PRKN: variants seen among roughly 807,000 people sequenced by gnomAD.
PRKN encodes parkin RBR E3 ubiquitin protein ligase.
In PRKN, 56 loss-of-function variants were observed where a neutral mutation model predicts 59.5. The observed-to-expected ratio is 0.94, with a 90% CI of 0.76 to 1.18. PRKN has a LOEUF of 1.18. PRKN is among the 50% of genes most tolerant of loss of function. The pLI is 0.00. For missense variants in PRKN, 657 were observed against 596.4 expected (o/e 1.10, Z -1.06); for synonymous variants, 250 against 222.1 (o/e 1.13, Z -1.12).
chr6:162,416,545 A>G (rs6455827), intron 2 of PRKN, among the ~76,000 whole-genome samples: 83,541 of 152,068 alleles, frequency 0.55, 23,892 homozygotes, highest in African/African-American at 0.7. Context: ...GATAAATTCA[A>G]TTAAACCTGC....
At chr6:162,342,893 CAAAATATGATGGTAGGA>C (rs1274084680) in intron 2 of PRKN, among the ~76,000 whole-genome samples, 1 of 151,980 alleles carries the variant, frequency 6.6e-6, no homozygotes, top group Non-Finnish European at 1.5e-5. Flanking sequence ...CAAGCAAACA[CAAAATATGATGGTAGGA>C]AAAAAGAGTC....
At chr6:162,434,927 A>C (rs1310651208) in intron 2 of PRKN, among the ~76,000 whole-genome samples, 1 of 151,176 alleles carries the variant, frequency 6.6e-6, no homozygotes, top group Non-Finnish European at 1.5e-5. Context: ...ATTTCAGTGA[A>C]TCATCTTTGG....
At chr6:162,707,904 A>C (rs1416161751) in intron 1 of PRKN, among the ~76,000 whole-genome samples, 1 of 151,842 alleles carries the variant, frequency 6.6e-6, no homozygotes, top group South Asian at 2.1e-4. Flanking sequence ...TAGTAGAGAC[A>C]GGGCTTCACC....
In PRKN at chr6:161,764,104, C is replaced by G. The variant is rs942110681; in HGVS notation, c.871+21668G>C. ...CTCTCCTCCAGCCACTCTGGTCTCT[C>G]CATGCTACAGACATGCTTTGCTCTC... On this transcript the variant is annotated intron_variant, in intron 7 of 11. Transcript: ENST00000366898. Among the ~76,000 whole-genome samples the G allele has an allele frequency of 5.3e-5, 8 of 152,214 alleles. No individual in the cohort carries two copies. The East Asian group carries it at 1.5e-3, about 29-fold the overall frequency.
At chr6:161,862,991 G>C (rs545388640) in intron 6 of PRKN, among the ~76,000 whole-genome samples, 1 of 152,138 alleles carries the variant, frequency 6.6e-6, no homozygotes, top group Non-Finnish European at 1.5e-5. Context: ...TATCCAGGAT[G>C]AACTGATTTT....
chr6:162,007,352 C>T (rs1355777391), intron 5 of PRKN, among the ~76,000 whole-genome samples: 1 of 152,064 alleles, frequency 6.6e-6, no homozygotes, highest in Non-Finnish European at 1.5e-5. Context: ...CTAACAACAA[C>T]AATGCAAGTA....
chr6:162,048,533 T>C (rs551533962), intron 5 of PRKN, among the ~76,000 whole-genome samples: 1 of 152,180 alleles, frequency 6.6e-6, no homozygotes, highest in African/African-American at 2.4e-5. Flanking sequence ...CTTCAGGGTT[T>C]TCCTTAGCCT....
intron 6 of PRKN, among the ~76,000 whole-genome samples, chr6:161,905,497 T>TC (rs1778106467): frequency 6.6e-6 from 1 of 152,262 alleles, no homozygotes; most frequent in African/African-American, 2.4e-5. Flanking sequence ...ACACAGGGAT[T>TC]CCCCACGGGA....
intron 7 of PRKN, among the ~76,000 whole-genome samples, chr6:161,696,055 C>G (rs755201046): frequency 6.6e-6 from 1 of 152,142 alleles, no homozygotes; most frequent in Non-Finnish European, 1.5e-5. Flanking sequence ...ACATACATCT[C>G]TCCTTAGAAG....
At chr6:162,452,705 T>C (rs1199407689) in intron 1 of PRKN, among the ~76,000 whole-genome samples, 1 of 151,868 alleles carries the variant, frequency 6.6e-6, no homozygotes, top group Non-Finnish European at 1.5e-5. Flanking sequence ...GAGAGGTAGA[T>C]AGAAAAATAC....
At chr6:162,169,483 ATG>A (rs1562555762) in intron 4 of PRKN, among the ~76,000 whole-genome samples, 1 of 76,944 alleles carries the variant, frequency 1.3e-5, no homozygotes, top group Non-Finnish European at 3.2e-5. Flanking sequence ...AATTTATCAC[ATG>A]TTATGTAAAA....
At chr6:162,176,002 T>C (rs1783514022) in intron 4 of PRKN, among the ~76,000 whole-genome samples, 1 of 152,236 alleles carries the variant, frequency 6.6e-6, no homozygotes, top group Admixed American at 6.5e-5. Context: ...TTATGGATTC[T>C]TTTATAATTA....
At chr6:161,787,396 ATG>A (rs1442367230) in intron 6 of PRKN, among the ~76,000 whole-genome samples, 1 of 152,078 alleles carries the variant, frequency 6.6e-6, no homozygotes, top group Non-Finnish European at 1.5e-5. Context: ...GTCCTTCATA[ATG>A]CTTTCCTATT....
At chr6:162,223,400 A>C (rs1453392060) in intron 3 of PRKN, among the ~76,000 whole-genome samples, 1 of 152,102 alleles carries the variant, frequency 6.6e-6, no homozygotes, top group Non-Finnish European at 1.5e-5. Flanking sequence ...GCAGTTAATC[A>C]TAATAATAGT....
chr6:162,525,277 T>G (rs1778234595), intron 1 of PRKN, among the ~76,000 whole-genome samples: 1 of 152,124 alleles, frequency 6.6e-6, no homozygotes, highest in Non-Finnish European at 1.5e-5. Flanking sequence ...TCTTGCCAGG[T>G]GCTCTCTGAC....
intron 7 of PRKN, among the ~76,000 whole-genome samples, chr6:161,577,220 G>A (rs1353886185): frequency 6.6e-6 from 1 of 152,162 alleles, no homozygotes; most frequent in African/African-American, 2.4e-5. Context: ...CTATAAGGCA[G>A]GTACTATTTT....
At chr6:161,903,232 C>T (rs112174072) in intron 6 of PRKN, among the ~76,000 whole-genome samples, 2 of 131,270 alleles carry the variant, frequency 1.5e-5, no homozygotes, top group African/African-American at 6.7e-5. Flanking sequence ...CTTTCCTTCC[C>T]AAGTCTGTAC....
chr6:161,421,163 G>A lies in PRKN; in HGVS notation c.1084-34286C>T, dbSNP rs544793507. On this transcript the variant is annotated intron_variant, in intron 9 of 11. Transcript: ENST00000366898. ...GTGAGCCTTTACCCTCCAGGCACTC[G>A]AGGGCCCATACCCCACACCAGGAGA... 3.6e-4 allele frequency among the ~76,000 whole-genome samples: 55 copies of A among 152,228 alleles called. 1 individual carries two copies. The highest frequency in any genetic ancestry group is 3.3e-3 in the Admixed American group (50 of 15,282).
At chr6:162,454,685 A>C (rs1790781215) in intron 1 of PRKN, among the ~76,000 whole-genome samples, 1 of 152,190 alleles carries the variant, frequency 6.6e-6, no homozygotes. Flanking sequence ...TCCTTCAAAC[A>C]GATATGTCTG....
Sources: gnomAD v4.1 joint callset for allele counts (sites outside exome capture counted in the v4.1 genomes callset) on GRCh38, gnomAD v4.1.1 for gene constraint, MANE v1.5 for transcripts, NCBI Gene and HGNC (gene_info 2026-07-23, HGNC 2026-07-21) for gene names.